The following UGT1A8 variants were observed in gnomAD, a reference collection of about 807,000 sequenced individuals.
UGT1A8 encodes the protein UDP glucuronosyltransferase family 1 member A8.
UGT1A8 carries 39 observed loss-of-function variants against 45.3 expected under a neutral mutation model. That is an observed-to-expected ratio of 0.86 (90% CI 0.67 to 1.12). The LOEUF is 1.12. UGT1A8 is among the 50% of genes most tolerant of loss of function. The probability of loss-of-function intolerance (pLI) is 0.00; values close to 1 mark genes in which losing one functional copy is unlikely to be tolerated. For synonymous variants in UGT1A8, 275 were observed against 249.2 expected, an observed-to-expected ratio of 1.10 and a Z score of -0.97; for missense variants, 719 against 664.9, an observed-to-expected ratio of 1.08 and a Z score of -0.90.
chr2:233,772,695 T>C lies in UGT1A8; in HGVS notation c.*136T>C. ...ATAAATTAATCAGCCCCAGAGTGCT[T>C]TAAAAAATTCTCTTAAATAAAAATA... is the stretch of plus-strand genomic sequence containing the variant. On this transcript the variant is annotated 3_prime_UTR_variant, in exon 5 of 5. Coordinates refer to ENST00000373450, the MANE Select transcript of UGT1A8 (RefSeq NM_019076.5). 2 of 1,484,740 alleles carry C rather than the reference T, an allele frequency of 1.3e-6. No individual in the cohort carries two copies. Among genetic ancestry groups the C allele is most frequent in the South Asian group, 2.7e-5 (2 of 74,364 alleles). The allele number at this position is 1,484,740 out of a possible 1,614,324, so 92.0% of individuals were successfully genotyped here. A position where few individuals can be genotyped will look rare whatever the true frequency, so the allele number is the denominator to read the frequency against.
rs1699951118 is a variant in UGT1A8, at chr2:233,769,835, G to A, written c.1295+1396G>A. The A allele has an allele frequency of 3.1e-6, 2 of 640,066 alleles. No individual in the cohort carries two copies. The highest frequency in any genetic ancestry group is 2.3e-6 in the Non-Finnish European group (1 of 426,370). The allele number at this position is 640,066 out of a possible 1,614,324, so 39.6% of individuals were successfully genotyped here. A position where few individuals can be genotyped will look rare whatever the true frequency, so the allele number is the denominator to read the frequency against. On this transcript the variant is annotated intron_variant, in intron 4 of 4. Coordinates refer to ENST00000373450, the MANE Select transcript of UGT1A8 (RefSeq NM_019076.5). The surrounding 1 kb of genome is among the most constrained non-coding windows in gnomAD (Gnocchi z 4.4). ...ATGCCACTGCACTCCAGCAACCTGG[G>A]CAACAGAGTGAGACCCTGTCTCAAA...
At chr2:233,621,228 C>T (rs1304439897) in intron 1 of UGT1A8, among the ~76,000 whole-genome samples, 2 of 152,068 alleles carry the variant, frequency 1.3e-5, no homozygotes, top group Non-Finnish European at 2.9e-5. Context: ...TTCAGTATTC[C>T]AATGTGTGTG....
At chr2:233,657,515 G>C (rs1322554358) in intron 1 of UGT1A8, among the ~76,000 whole-genome samples, 1 of 152,188 alleles carries the variant, frequency 6.6e-6, no homozygotes, top group Non-Finnish European at 1.5e-5. Flanking sequence ...CAATAGGACA[G>C]GAACTCACCC....
chr2:233,710,169 TTTA>T (rs1460838306), intron 1 of UGT1A8, among the ~76,000 whole-genome samples: 1 of 152,248 alleles, frequency 6.6e-6, no homozygotes, highest in Non-Finnish European at 1.5e-5. Context: ...TATGCATTTA[TTTA>T]TTGATGGACA....
At chr2:233,692,541 G>C (rs2075101526) in intron 1 of UGT1A8, among the ~76,000 whole-genome samples, 1 of 152,154 alleles carries the variant, frequency 6.6e-6, no homozygotes, top group African/African-American at 2.4e-5. Context: ...ATTCAGTTCA[G>C]AATGGAATTG....
At chr2:233,621,912 G>A (rs542886704) in intron 1 of UGT1A8, among the ~76,000 whole-genome samples, 46 of 152,116 alleles carry the variant, frequency 3.0e-4, no homozygotes, top group African/African-American at 8.9e-4. Context: ...CCCAGTGTGC[G>A]ATGTTCCCCT....
At chr2:233,758,073 C>T (rs1352690348) in intron 1 of UGT1A8, among the ~76,000 whole-genome samples, 1 of 152,154 alleles carries the variant, frequency 6.6e-6, no homozygotes, top group East Asian at 1.9e-4. Context: ...CTTTCTGGGC[C>T]TAGTTCCTAG....
chr2:233,725,175 TG>T (rs1374547834), intron 1 of UGT1A8, among the ~76,000 whole-genome samples: 1 of 81,962 alleles, frequency 1.2e-5, no homozygotes, highest in Non-Finnish European at 2.2e-5. Context: ...AGGGAGACCG[TG>T]GGGAGAGGCA....
rs1434418426 is a variant in UGT1A8 at position 233,747,592 on chromosome 2, C to T, written c.856-19442C>T. On this transcript the variant is annotated intron_variant, in intron 1 of 4. Coordinates refer to ENST00000373450, the MANE Select transcript of UGT1A8 (RefSeq NM_019076.5). Reference sequence around the variant, plus strand: ...AATTCATCTTTGGTCTTTCATAGGTCTTGTGTGGAGCTACTGCATAATGAG... The same window carrying T: ...AATTCATCTTTGGTCTTTCATAGGTTTTGTGTGGAGCTACTGCATAATGAG... The T allele has an allele frequency of 5.7e-6, 9 of 1,575,532 alleles. No individual in the cohort carries two copies. The South Asian group carries it at 8.9e-5, about 16-fold the overall frequency.
intron 1 of UGT1A8, among the ~76,000 whole-genome samples, chr2:233,680,543 C>T (rs184094797): frequency 1.3e-5 from 2 of 152,100 alleles, no homozygotes; most frequent in Admixed American, 1.3e-4. Flanking sequence ...GAATCCCTCA[C>T]GAAATGCTCC....
At position 233,760,169 on chromosome 2, in the gene UGT1A8, T is replaced by C. The variant is rs928164877; in HGVS notation, c.856-6865T>C. 1.4e-5 allele frequency: 21 copies of C among 1,529,168 alleles called. No homozygotes were observed. In the African/African-American group the frequency reaches 2.9e-4, roughly 21 times the overall value. 94.7% of individuals were successfully genotyped at this position (1,529,168 alleles called of 1,614,324 possible). A position where few individuals can be genotyped will look rare whatever the true frequency, so the allele number is the denominator to read the frequency against. On this transcript the variant is annotated intron_variant, in intron 1 of 4. Coordinates refer to ENST00000373450, the MANE Select transcript of UGT1A8 (RefSeq NM_019076.5). ...TGAACTCCCTGCTACCTTTGTGGACTGACAGCTTTTTATAGTCACGTGACA... is the reference window on the plus strand; with the variant it reads ...TGAACTCCCTGCTACCTTTGTGGACCGACAGCTTTTTATAGTCACGTGACA...
intron 1 of UGT1A8, among the ~76,000 whole-genome samples, chr2:233,705,201 A>C (rs1219685383): frequency 1.3e-5 from 2 of 151,986 alleles, no homozygotes; most frequent in Non-Finnish European, 2.9e-5. Flanking sequence ...TGCCTTTTAT[A>C]ACTACATGAT....
At chr2:233,672,090 G>A (rs139255934) in intron 1 of UGT1A8, 20 of 1,614,032 alleles carry the variant, frequency 1.2e-5, no homozygotes, top group Non-Finnish European at 2.5e-6. Context: ...TTCTCAGGGG[G>A]CATGAGGTGG....
chr2:233,636,915 A>G, intron 1 of UGT1A8: 1 of 1,614,126 alleles, frequency 6.2e-7, no homozygotes, highest in Non-Finnish European at 8.5e-7. Flanking sequence ...TTAATGACCG[A>G]AAATTAGTAG....
intron 1 of UGT1A8, among the ~76,000 whole-genome samples, chr2:233,724,966 G>A (rs1480944004): frequency 1.5e-5 from 2 of 135,640 alleles, no homozygotes; most frequent in South Asian, 2.5e-4. Flanking sequence ...GGAGGCCGAG[G>A]TTGGCGGATC....
chr2:233,761,087 C>T, intron 1 of UGT1A8: 1 of 1,614,136 alleles, frequency 6.2e-7, no homozygotes. Context: ...TACCCTAGGC[C>T]CATCATGCCC....
chr2:233,632,291 T>C (rs753809729), intron 1 of UGT1A8, among the ~76,000 whole-genome samples: 1 of 152,328 alleles, frequency 6.6e-6, no homozygotes, highest in Non-Finnish European at 1.5e-5. Flanking sequence ...TTTGTTCTTT[T>C]TGCTTAGGAT....
chr2:233,621,816 G>C (rs2073012473), intron 1 of UGT1A8, among the ~76,000 whole-genome samples: 1 of 152,100 alleles, frequency 6.6e-6, no homozygotes, highest in South Asian at 2.1e-4. Flanking sequence ...GTGTCATGTT[G>C]GTTTGCTGCA....
intron 1 of UGT1A8, among the ~76,000 whole-genome samples, chr2:233,638,931 T>G (rs1020830110): frequency 2.6e-5 from 4 of 152,210 alleles, no homozygotes; most frequent in African/African-American, 7.2e-5. Flanking sequence ...GAGGTTGGAC[T>G]TATCAAAGCA....
Sources: allele counts gnomAD v4.1 joint callset (sites outside exome capture counted in the v4.1 genomes callset), GRCh38; gene constraint gnomAD v4.1.1; non-coding constraint Gnocchi (gnomAD v3.1); transcripts MANE v1.5; gene names NCBI Gene and HGNC (gene_info 2026-07-23, HGNC 2026-07-21).